The following MDGA2 variants were observed in gnomAD, a reference collection of about 807,000 sequenced individuals.
MDGA2 encodes the protein MAM domain-containing glycosylphosphatidylinositol anchor protein 2.
MDGA2 carries 40 observed loss-of-function variants against 117.8 expected under a neutral mutation model. The observed-to-expected ratio is 0.34, with a 90% CI of 0.26 to 0.44. MDGA2 has a LOEUF of 0.44. Ranked by LOEUF, MDGA2 falls within the 20% of genes least tolerant of loss-of-function variation. The pLI, the probability that MDGA2 is intolerant of heterozygous loss-of-function variation, is 1.00. For synonymous variants in MDGA2, 452 were observed against 439.0 expected, an observed-to-expected ratio of 1.03 and a Z score of -0.37; for missense variants, 1,123 against 1,250.6, an observed-to-expected ratio of 0.90 and a Z score of 1.54.
At chr14:47,476,988 C>G (rs1193283612) in intron 1 of MDGA2, among the ~76,000 whole-genome samples, 1 of 151,922 alleles carries the variant, frequency 6.6e-6, no homozygotes. Context: ...ATGGTGAAAC[C>G]CCGTCTCTAC....
At chr14:47,462,989 T>C (rs1341792087) in intron 1 of MDGA2, among the ~76,000 whole-genome samples, 2 of 152,152 alleles carry the variant, frequency 1.3e-5, no homozygotes, top group Non-Finnish European at 2.9e-5. Flanking sequence ...GAGTTAATGA[T>C]CATTTTAGAA....
chr14:47,474,015 C>G (rs1893783954), intron 1 of MDGA2, among the ~76,000 whole-genome samples: 1 of 152,096 alleles, frequency 6.6e-6, no homozygotes, highest in Admixed American at 6.6e-5. Context: ...AAAGGGTATT[C>G]AAATAGGAAG....
At chr14:47,263,508 T>C (rs10484187) in intron 2 of MDGA2, among the ~76,000 whole-genome samples, 15,291 of 152,200 alleles carry the variant, frequency 0.1, 865 homozygotes, top group Middle Eastern at 0.16. Flanking sequence ...TTTTAGTGTT[T>C]CAGTGGAGTC....
intron 1 of MDGA2, among the ~76,000 whole-genome samples, chr14:47,378,339 T>C (rs576810480): frequency 2.0e-5 from 3 of 152,194 alleles, no homozygotes; most frequent in South Asian, 4.1e-4. Context: ...TTGCCAGCAA[T>C]GGAACAAAGC....
chr14:47,032,593 T>TA (rs1198859181), intron 8 of MDGA2, among the ~76,000 whole-genome samples: 2 of 152,102 alleles, frequency 1.3e-5, no homozygotes, highest in Admixed American at 6.6e-5. Flanking sequence ...CCCTGTCTCT[T>TA]AAAAAAATCA....
At chr14:47,132,366 G>C (rs1301548000) in intron 4 of MDGA2, among the ~76,000 whole-genome samples, 3 of 151,868 alleles carry the variant, frequency 2.0e-5, no homozygotes, top group Non-Finnish European at 2.9e-5. Context: ...TAAATATTTT[G>C]TATATGGAGC....
At chr14:47,595,406 C>T (rs541513915) in intron 1 of MDGA2, among the ~76,000 whole-genome samples, 11 of 151,660 alleles carry the variant, frequency 7.3e-5, no homozygotes, top group East Asian at 1.9e-4. Flanking sequence ...CGGTGGTGGG[C>T]GCCTGTAATC....
At chr14:47,418,800 G>A (rs1222439149) in intron 1 of MDGA2, among the ~76,000 whole-genome samples, 1 of 152,052 alleles carries the variant, frequency 6.6e-6, no homozygotes, top group African/African-American at 2.4e-5. Context: ...ATAGAACCCA[G>A]GTCTAAGGGA....
intron 6 of MDGA2, among the ~76,000 whole-genome samples, chr14:47,064,284 G>T (rs945777270): frequency 6.6e-6 from 1 of 151,922 alleles, no homozygotes; most frequent in Admixed American, 6.6e-5. Context: ...TCTTCTGAAT[G>T]ACACAGAATC....
intron 9 of MDGA2, among the ~76,000 whole-genome samples, chr14:46,953,940 C>T (rs140706238): frequency 2.6e-5 from 4 of 152,082 alleles, no homozygotes; most frequent in East Asian, 1.9e-4. Context: ...TGCTGTCAAC[C>T]GAATCTACCA....
intron 3 of MDGA2, among the ~76,000 whole-genome samples, chr14:47,169,389 G>A (rs1884027560): frequency 6.6e-6 from 1 of 151,418 alleles, no homozygotes; most frequent in African/African-American, 2.4e-5. Flanking sequence ...ATATATATAT[G>A]TATATATATA....
chr14:46,974,552 G>A (rs1886383794), intron 8 of MDGA2, among the ~76,000 whole-genome samples: 1 of 152,066 alleles, frequency 6.6e-6, no homozygotes, highest in Non-Finnish European at 1.5e-5. Context: ...AAACAGAATG[G>A]AGAACCCAGA....
chr14:47,489,185 T>C (rs772836374), intron 1 of MDGA2, among the ~76,000 whole-genome samples: 1 of 141,786 alleles, frequency 7.1e-6, no homozygotes, highest in South Asian at 2.2e-4. Context: ...TAAAGAGAAA[T>C]TAGTGCTTCT....
chr14:46,856,454 A>G (rs765600593), intron 14 of MDGA2, among the ~76,000 whole-genome samples: 87 of 152,180 alleles, frequency 5.7e-4, no homozygotes, highest in Non-Finnish European at 1.0e-3. Flanking sequence ...TCTGTAGTTT[A>G]TCTTCCCAGC....
chr14:47,483,894 A>G (rs974924375), intron 1 of MDGA2, among the ~76,000 whole-genome samples: 1 of 152,020 alleles, frequency 6.6e-6, no homozygotes, highest in African/African-American at 2.4e-5. Flanking sequence ...GAGTATTCCC[A>G]CTCCTCAGCA....
chr14:47,023,212 A>G (rs949816199), intron 8 of MDGA2, among the ~76,000 whole-genome samples: 18 of 151,630 alleles, frequency 1.2e-4, no homozygotes, highest in East Asian at 3.9e-4. Flanking sequence ...AAAAAAAAAA[A>G]AAAAAGAAAA....
chr14:47,335,747 T>TATATATATATATACACAC (rs1055245438), intron 1 of MDGA2, among the ~76,000 whole-genome samples: 1 of 68,636 alleles, frequency 1.5e-5, no homozygotes, highest in Non-Finnish European at 3.4e-5. Context: ...TATATATATA[T>TATATATATATATACACAC]ACATACATAC....
intron 1 of MDGA2, among the ~76,000 whole-genome samples, chr14:47,391,054 T>C (rs549082860): frequency 1.3e-5 from 2 of 152,318 alleles, no homozygotes; most frequent in East Asian, 3.9e-4. Flanking sequence ...TTACTTTTGA[T>C]GCTATGCTTT....
In MDGA2 at chr14:46,998,604, T is replaced by G. The variant is rs547779105; in HGVS notation, c.1819+36407A>C. ...CAAAATGAGAAAAGCTCGTGGAAAGTCTGATACTCGTACAAAATTCTTTTT... is the reference window on the plus strand; with the variant it reads ...CAAAATGAGAAAAGCTCGTGGAAAGGCTGATACTCGTACAAAATTCTTTTT... On this transcript the variant is annotated intron_variant, in intron 8 of 16. Transcript: ENST00000399232. 8.5e-5 allele frequency among the ~76,000 whole-genome samples: 13 copies of G among 152,224 alleles called. No individual in the cohort carries two copies. In the South Asian group the frequency reaches 2.3e-3, roughly 27 times the overall value.
Sources: gnomAD v4.1 joint callset for allele counts (sites outside exome capture counted in the v4.1 genomes callset) on GRCh38, gnomAD v4.1.1 for gene constraint, MANE v1.5 for transcripts, NCBI Gene and HGNC (gene_info 2026-07-23, HGNC 2026-07-21) for gene names.